Variants in SDK1 observed in about 807,000 individuals in gnomAD.
SDK1 encodes the protein protein sidekick-1.
SDK1 carries 157 observed loss-of-function variants against 245.5 expected under a neutral mutation model. The observed-to-expected ratio is 0.64, with a 90% CI of 0.56 to 0.73. The LOEUF is 0.73. Among genes scored for constraint, SDK1 ranks in the 30% least tolerant of loss-of-function variants. The pLI, the probability that SDK1 is intolerant of heterozygous loss-of-function variation, is 0.00. For missense variants in SDK1, 3,583 were observed against 3,002.3 expected (o/e 1.19, Z -4.52); for synonymous variants, 1,647 against 1,278.5 (o/e 1.29, Z -6.15).
intron 16 of SDK1, among the ~76,000 whole-genome samples, chr7:4,016,102 TC>T (rs1786381750): frequency 6.6e-6 from 1 of 152,224 alleles, no homozygotes; most frequent in African/African-American, 2.4e-5. Context: ...CTCAGCTCCT[TC>T]CCCTTCGTGC....
intron 20 of SDK1, among the ~76,000 whole-genome samples, chr7:4,075,062 G>C (rs1435274257): frequency 6.6e-6 from 1 of 151,478 alleles, no homozygotes; most frequent in African/African-American, 2.4e-5. Context: ...CTTTGATGAA[G>C]ACACCACAGA....
chr7:3,417,091 C>T (rs1779387671), intron 1 of SDK1, among the ~76,000 whole-genome samples: 1 of 152,018 alleles, frequency 6.6e-6, no homozygotes, highest in Admixed American at 6.6e-5. Flanking sequence ...GGAGAATCCC[C>T]TGAACCCAGG....
At chr7:3,956,326 C>G (rs182817352) in intron 7 of SDK1, among the ~76,000 whole-genome samples, 1 of 152,192 alleles carries the variant, frequency 6.6e-6, no homozygotes, top group African/African-American at 2.4e-5. Context: ...GCATTTCCTC[C>G]GGTTCTTTGC....
intron 1 of SDK1, among the ~76,000 whole-genome samples, chr7:3,560,881 T>C (rs996410971): frequency 6.6e-6 from 1 of 152,194 alleles, no homozygotes; most frequent in Non-Finnish European, 1.5e-5. Context: ...GGTGTCCAGA[T>C]GGCTGTTTCC....
intron 5 of SDK1, among the ~76,000 whole-genome samples, chr7:3,834,032 ATAAGAG>A (rs1779975598): frequency 6.6e-6 from 1 of 152,206 alleles, no homozygotes; most frequent in African/African-American, 2.4e-5. Flanking sequence ...AGGGATGCAT[ATAAGAG>A]TAAACTTATT....
At chr7:4,123,139 G>T (rs1784175484) in intron 25 of SDK1, among the ~76,000 whole-genome samples, 2 of 152,098 alleles carry the variant, frequency 1.3e-5, no homozygotes. Flanking sequence ...AGGGAGAATT[G>T]GGCACTCACA....
chr7:3,336,553 C>T (rs1018001219), intron 1 of SDK1, among the ~76,000 whole-genome samples: 2 of 152,160 alleles, frequency 1.3e-5, no homozygotes, highest in African/African-American at 2.4e-5. Flanking sequence ...CCTCCACACC[C>T]ACTGGTGGCA....
intron 1 of SDK1, among the ~76,000 whole-genome samples, chr7:3,312,249 C>T (rs1388730742): frequency 1.3e-5 from 2 of 152,186 alleles, no homozygotes; most frequent in Middle Eastern, 3.4e-3. Flanking sequence ...ATGAATAGAG[C>T]CCTCAGGTCT....
intron 4 of SDK1, among the ~76,000 whole-genome samples, chr7:3,744,975 G>T (rs1412819057): frequency 6.6e-6 from 1 of 152,120 alleles, no homozygotes; most frequent in African/African-American, 2.4e-5. Context: ...TGCTTCAATA[G>T]AAATCAGTGA....
chr7:3,419,474 A>G lies in SDK1; in HGVS notation c.298+117590A>G, dbSNP rs189902892. Among the ~76,000 whole-genome samples, 38 of 152,160 alleles carry G rather than the reference A, an allele frequency of 2.5e-4. 1 individual carries two copies. Among genetic ancestry groups the G allele is most frequent in the African/African-American group, 8.4e-4 (35 of 41,524 alleles). ...GTGTCTCGGGGAAACATCAGCACAG[A>G]GGCTCTGCTTTCTCCCACCCGGCAG... On this transcript the variant is annotated intron_variant, in intron 1 of 44. Coordinates refer to ENST00000404826, the MANE Select transcript of SDK1 (RefSeq NM_152744.4).
chr7:3,934,415 G>A (rs1350575617), intron 5 of SDK1, among the ~76,000 whole-genome samples: 1 of 152,190 alleles, frequency 6.6e-6, no homozygotes, highest in Non-Finnish European at 1.5e-5. Flanking sequence ...TGAATCACAG[G>A]CTATGCAAAG....
chr7:3,804,686 C>A (rs1322533931), intron 4 of SDK1, among the ~76,000 whole-genome samples: 3 of 152,162 alleles, frequency 2.0e-5, no homozygotes, highest in Non-Finnish European at 4.4e-5. Flanking sequence ...GTTTTCCAAT[C>A]CATGAACTCT....
chr7:3,566,793 G>C (rs991577196), intron 1 of SDK1, among the ~76,000 whole-genome samples: 3 of 150,436 alleles, frequency 2.0e-5, no homozygotes, highest in Non-Finnish European at 3.0e-5. Flanking sequence ...TCACAAAACA[G>C]TGAACGCAAA....
At chr7:3,488,172 G>A (rs948620287) in intron 1 of SDK1, among the ~76,000 whole-genome samples, 2 of 152,028 alleles carry the variant, frequency 1.3e-5, no homozygotes, top group Admixed American at 1.3e-4. Context: ...TTAATTGAAT[G>A]ACTAATTTGT....
chr7:3,332,926 A>AGG (rs1487457498), intron 1 of SDK1, among the ~76,000 whole-genome samples: 5 of 152,164 alleles, frequency 3.3e-5, no homozygotes, highest in Admixed American at 6.5e-5. Flanking sequence ...TGACATTACC[A>AGG]CTGATTAGAA....
intron 17 of SDK1, among the ~76,000 whole-genome samples, chr7:4,024,526 A>C (rs1787178715): frequency 6.6e-6 from 1 of 152,218 alleles, no homozygotes; most frequent in Admixed American, 6.5e-5. Flanking sequence ...GTCTTTTAGA[A>C]CCTACAGGAA....
chr7:3,548,143 A>G (rs1217763388), intron 1 of SDK1, among the ~76,000 whole-genome samples: 1 of 152,216 alleles, frequency 6.6e-6, no homozygotes, highest in Non-Finnish European at 1.5e-5. Context: ...ATAGTTGTTG[A>G]AATGCATCAG....
intron 35 of SDK1, among the ~76,000 whole-genome samples, chr7:4,191,161 G>A (rs1039870111): frequency 2.0e-5 from 3 of 152,108 alleles, no homozygotes; most frequent in Non-Finnish European, 2.9e-5. Flanking sequence ...GGCCAACCCC[G>A]CGGCGGTCAC....
At chr7:3,750,220 A>C (rs1037279216) in intron 4 of SDK1, among the ~76,000 whole-genome samples, 4 of 152,250 alleles carry the variant, frequency 2.6e-5, no homozygotes, top group Non-Finnish European at 5.9e-5. Flanking sequence ...CTCTAAAAGA[A>C]GGTGTTTGAT....
Sources: allele counts gnomAD v4.1 joint callset (sites outside exome capture counted in the v4.1 genomes callset), GRCh38; gene constraint gnomAD v4.1.1; transcripts MANE v1.5; gene names NCBI Gene and HGNC (gene_info 2026-07-23, HGNC 2026-07-21).